CTNNAL1: variants seen among roughly 807,000 people sequenced by gnomAD.
CTNNAL1 encodes the protein alpha-catulin.
A neutral mutation model predicts 93.6 loss-of-function variants in CTNNAL1; 69 were observed. The observed-to-expected ratio is 0.74, with a 90% CI of 0.61 to 0.90. The LOEUF (loss-of-function observed/expected upper bound fraction) is 0.90. CTNNAL1 is among the 40% of genes least tolerant of loss of function. The probability of loss-of-function intolerance (pLI) is 0.00; values close to 1 mark genes in which losing one functional copy is unlikely to be tolerated. For synonymous variants in CTNNAL1, 286 were observed against 305.4 expected, an observed-to-expected ratio of 0.94 and a Z score of 0.66; for missense variants, 836 against 862.0, an observed-to-expected ratio of 0.97 and a Z score of 0.38.
At chr9:108,943,248 T>C (rs1459303195) in intron 17 of CTNNAL1, among the ~76,000 whole-genome samples, 1 of 152,186 alleles carries the variant, frequency 6.6e-6, no homozygotes, top group Non-Finnish European at 1.5e-5. Context: ...GTCTATCTCA[T>C]GGAACCCCAG....
chr9:109,010,032 T>TG (rs1245159560), intron 1 of CTNNAL1, among the ~76,000 whole-genome samples: 1 of 152,250 alleles, frequency 6.6e-6, no homozygotes, highest in East Asian at 1.9e-4. Context: ...CTATTTTTTT[T>TG]TATTATTTTT....
intron 7 of CTNNAL1, among the ~76,000 whole-genome samples, chr9:108,978,663 T>C (rs747865270): frequency 6.6e-6 from 1 of 152,204 alleles, no homozygotes; most frequent in Non-Finnish European, 1.5e-5. Context: ...TGGCCATTCT[T>C]GCCCAAATAA....
chr9:108,943,395 C>T (rs991217190), intron 17 of CTNNAL1, among the ~76,000 whole-genome samples: 8 of 152,158 alleles, frequency 5.3e-5, no homozygotes, highest in Admixed American at 3.3e-4. Context: ...CCCATATTCT[C>T]TCAGACAAAT....
Position 108,979,419 on chromosome 9 carries a change from T to C in CTNNAL1, c.963A>G (p.Thr321=), listed in dbSNP as rs773469933. Residue 321 remains threonine (T), a synonymous_variant, in exon 7 of 19, where the codon ACA becomes ACG. Coordinates refer to ENST00000325551, the MANE Select transcript of CTNNAL1 (RefSeq NM_003798.4). ...CCATACGCTCCAAGATGACTTCCAA[T>C]GTCACAGAAAGGTTCTCTTTGGACT... ...YFQSKENLSV[T]LEVILERMED... is the part of the protein sequence containing the mutation. The C allele has an allele frequency of 4.3e-6, 7 of 1,613,994 alleles. No homozygotes were observed. The Admixed American group carries it at 6.7e-5, about 15-fold the overall frequency.
intron 1 of CTNNAL1, among the ~76,000 whole-genome samples, chr9:109,010,388 C>T (rs1827172008): frequency 1.3e-5 from 2 of 151,944 alleles, no homozygotes; most frequent in Non-Finnish European, 2.9e-5. Context: ...ATTTCTTCTC[C>T]TTGTCATATT....
At chr9:108,946,175 T>G (rs1486239972) in intron 15 of CTNNAL1, among the ~76,000 whole-genome samples, 2 of 151,938 alleles carry the variant, frequency 1.3e-5, no homozygotes, top group Non-Finnish European at 2.9e-5. Context: ...AGCGCACACC[T>G]GTAGTCCCAG....
chr9:108,973,510 C>G (rs957943783), intron 8 of CTNNAL1, among the ~76,000 whole-genome samples: 1 of 152,096 alleles, frequency 6.6e-6, no homozygotes, highest in African/African-American at 2.4e-5. Flanking sequence ...AGTTGCCATC[C>G]AGATCTTGTA....
At chr9:108,998,686 T>C (rs185402386) in intron 2 of CTNNAL1, among the ~76,000 whole-genome samples, 15 of 152,336 alleles carry the variant, frequency 9.8e-5, no homozygotes, top group South Asian at 4.1e-4. Context: ...ATCATGAAGT[T>C]TGAAGTCACT....
intron 11 of CTNNAL1, among the ~76,000 whole-genome samples, chr9:108,963,264 C>A (rs1254876636): frequency 1.3e-5 from 2 of 152,096 alleles, no homozygotes; most frequent in African/African-American, 2.4e-5. Context: ...AGAAAATAGA[C>A]CAAAATGCTG....
chr9:108,942,844 G>C lies in CTNNAL1; in HGVS notation c.2140-10C>G. 1 of 1,613,362 alleles carries C rather than the reference G, an allele frequency of 6.2e-7. No individual in the cohort carries two copies. Among genetic ancestry groups the C allele is most frequent in the Non-Finnish European group, 8.5e-7 (1 of 1,179,634 alleles). Reference sequence around the variant, plus strand: ...TATTTTCCATCTGAAGCTGGAAAGAGTTAAGACAATTAGTATCTGGTTTCA... The same window carrying C: ...TATTTTCCATCTGAAGCTGGAAAGACTTAAGACAATTAGTATCTGGTTTCA... On this transcript the variant is annotated splice_polypyrimidine_tract_variant and intron_variant, in intron 18 of 18. Coordinates refer to ENST00000325551, the MANE Select transcript of CTNNAL1 (RefSeq NM_003798.4).
At chr9:108,993,069 T>G (rs559341571) in intron 2 of CTNNAL1, among the ~76,000 whole-genome samples, 22 of 152,198 alleles carry the variant, frequency 1.4e-4, no homozygotes, top group Admixed American at 3.3e-4. Flanking sequence ...CATCATAATT[T>G]TTGTTTCCAG....
At chr9:109,008,441 C>T (rs1454167880) in intron 1 of CTNNAL1, among the ~76,000 whole-genome samples, 1 of 152,160 alleles carries the variant, frequency 6.6e-6, no homozygotes, top group Non-Finnish European at 1.5e-5. Context: ...GCCACCACGC[C>T]CAGCCCCAAT....
chr9:108,972,864 G>GGGGGGGGGCGCCCCCC, intron 8 of CTNNAL1, 31 bp from the exon 9 acceptor site: 3 of 142,560 alleles, frequency 2.1e-5, no homozygotes, highest in South Asian at 1.2e-4. Context: ...GGGGGGGTGG[G>GGGGGGGGGCGCCCCCC]AGGGTGGAGA....
At chr9:108,990,544 T>C (rs1367795419) in intron 4 of CTNNAL1, among the ~76,000 whole-genome samples, 182 bp downstream of exon 4, 3 of 152,098 alleles carry the variant, frequency 2.0e-5, no homozygotes, top group Non-Finnish European at 4.4e-5. Context: ...GTTATAAATG[T>C]ACAAAAAAAG....
chr9:109,002,201 G>T (rs1826855286), intron 1 of CTNNAL1, among the ~76,000 whole-genome samples: 1 of 152,162 alleles, frequency 6.6e-6, no homozygotes, highest in Admixed American at 6.5e-5. Flanking sequence ...CAGATTTGGT[G>T]TCTACTAAGG....
intron 1 of CTNNAL1, among the ~76,000 whole-genome samples, chr9:109,005,831 G>A (rs1251405153): frequency 2.0e-5 from 3 of 152,154 alleles, no homozygotes; most frequent in Non-Finnish European, 4.4e-5. Context: ...CGTTCCAAAA[G>A]ACACATTTTG....
chr9:108,942,879 A>C (rs761781151), intron 18 of CTNNAL1, 45 bp from the exon 19 acceptor site: 10 of 1,611,570 alleles, frequency 6.2e-6, no homozygotes, highest in Non-Finnish European at 8.5e-6. Context: ...ACTCTGAAAA[A>C]AAAATTACAA....
intron 8 of CTNNAL1, 35 bp from the exon 9 acceptor site, chr9:108,972,868 G>GCCCCCCCGGT: frequency 1.8e-6 from 2 of 1,092,786 alleles, no homozygotes; most frequent in Non-Finnish European, 2.5e-6. Flanking sequence ...GGGTGGGAGG[G>GCCCCCCCGGT]TGGAGAAGGA....
chr9:108,990,200 T>C (rs1358883440), intron 4 of CTNNAL1, among the ~76,000 whole-genome samples: 1 of 152,242 alleles, frequency 6.6e-6, no homozygotes, highest in Non-Finnish European at 1.5e-5. Flanking sequence ...TTTCCCTATA[T>C]GTAAAACAGT....
Sources: allele counts gnomAD v4.1 joint callset (sites outside exome capture counted in the v4.1 genomes callset), GRCh38; gene constraint gnomAD v4.1.1; transcripts MANE v1.5; gene names NCBI Gene and HGNC (gene_info 2026-07-23, HGNC 2026-07-21).